SMG1: variants seen among roughly 807,000 people sequenced by gnomAD.
SMG1 encodes SMG1 nonsense mediated mRNA decay associated PI3K related kinase.
Under a neutral mutation model 419.9 loss-of-function variants are expected in SMG1, and 22 were observed. That is an observed-to-expected ratio of 0.05 (90% CI 0.04 to 0.07). SMG1 has a LOEUF of 0.07. SMG1 is among the 10% of genes least tolerant of loss of function. The pLI is 1.00. For synonymous variants in SMG1, 1,538 were observed against 1,553.5 expected, an observed-to-expected ratio of 0.99 and a Z score of 0.23; for missense variants, 3,185 against 4,342.0, an observed-to-expected ratio of 0.73 and a Z score of 7.49.
rs766720772 is a variant in SMG1 at position 18,836,129 on chromosome 16, C to G, written c.7861G>C (p.Gly2621Arg). 49 of 1,609,688 alleles carry G rather than the reference C, an allele frequency of 3.0e-5. No individual in the cohort carries two copies. The highest frequency in any genetic ancestry group is 6.7e-5 in the African/African-American group (5 of 74,858). The part of the protein sequence containing the change: ...HLISQCEQLE[G>R]EVGALLQQRR... Reference sequence around the variant, plus strand: ...TGCTGCAGGAGAGCACCAACCTCCCCCTCCAGCTGCTCGCACTGGCTAATC... The same window carrying G: ...TGCTGCAGGAGAGCACCAACCTCCCGCTCCAGCTGCTCGCACTGGCTAATC... Residue 2621 changes from glycine to arginine, a missense_variant, in exon 48 of 63, where the codon GGG (glycine) becomes CGG (arginine). By Grantham distance (125) the Gly-to-Arg change is moderately radical (BLOSUM62 -2). Transcript: ENST00000446231.
intron 56 of SMG1, among the ~76,000 whole-genome samples, chr16:18,818,656 A>G (rs1005695825): frequency 2.0e-5 from 3 of 152,142 alleles, no homozygotes; most frequent in Non-Finnish European, 4.4e-5. Context: ...TGGGTGAAAT[A>G]AGATAAGACT....
In SMG1 at chr16:18,868,533, G is replaced by A. The variant is rs1394185717; in HGVS notation, c.3020C>T (p.Ser1007Leu). 7 of 1,586,888 alleles carry A rather than the reference G, an allele frequency of 4.4e-6. No individual in the cohort carries two copies. In the East Asian group the frequency reaches 1.3e-4, roughly 30 times the overall value. Residue 1007 changes from serine to leucine, a missense_variant, in exon 21 of 63, where the codon TCA becomes TTA. Coordinates refer to ENST00000446231, the MANE Select transcript of SMG1 (RefSeq NM_015092.5). ...AYEGCANALT[S>L]PPKVIRTFFY... Reference sequence around the variant, plus strand: ...CTCATGGAAACCAACCTTGGGAGGTGAAGTTAATGCATTAGCACATCCCTC... The same window carrying A: ...CTCATGGAAACCAACCTTGGGAGGTAAAGTTAATGCATTAGCACATCCCTC...
At chr16:18,925,380 G>A (rs1054638179) in intron 1 of SMG1, 11 of 152,242 alleles carry the variant, frequency 7.2e-5, no homozygotes, top group Admixed American at 3.3e-4. Flanking sequence ...AGACCAGCGT[G>A]GGTCGATCCC....
intron 50 of SMG1, 68 bp from the exon 51 acceptor site, chr16:18,833,234 T>C: frequency 8.7e-6 from 11 of 1,264,228 alleles, no homozygotes; most frequent in African/African-American, 1.5e-5. Context: ...TTTGGAGACT[T>C]AGAGCCATAC....
chr16:18,816,010 C>A, intron 58 of SMG1: 1 of 462,060 alleles, frequency 2.2e-6, no homozygotes, highest in Admixed American at 4.0e-5. Context: ...GAAAGACAAG[C>A]TGGATATCTG....
intron 25 of SMG1, among the ~76,000 whole-genome samples, chr16:18,863,243 G>GA (rs1212810646): frequency 6.6e-6 from 1 of 152,204 alleles, no homozygotes; most frequent in Non-Finnish European, 1.5e-5. Flanking sequence ...GGAATGAAAA[G>GA]AAAGTTTAAT....
rs1444553750 is a variant in SMG1 at position 18,838,414 on chromosome 16, A to T, written c.7137T>A (p.Ile2379=). 5 of 1,613,738 alleles carry T rather than the reference A, an allele frequency of 3.1e-6. No homozygotes were observed. The African/African-American group carries it at 6.7e-5, about 22-fold the overall frequency. ...CTCCAGTTACACCCAGTGCTGTTTC[A>T]ATGTTTTGTGTCATTCGAAAAGGTA... The part of the protein sequence containing the change: ...EKVPFRMTQN[I]ETALGVTGVE... The change falls in exon 44 of 63, where the codon ATT becomes ATA. Residue 2379 remains isoleucine, a synonymous_variant. Coordinates refer to ENST00000446231, the MANE Select transcript of SMG1 (RefSeq NM_015092.5).
At position 18,842,058 on chromosome 16, in the gene SMG1, C is replaced by T. The variant is rs191044632; in HGVS notation, c.6466+150G>A. 8 of 925,220 alleles carry T rather than the reference C, an allele frequency of 8.6e-6. No individual in the cohort carries two copies. The East Asian group carries it at 2.1e-4, about 24-fold the overall frequency. 57.3% of individuals were successfully genotyped at this position (925,220 alleles called of 1,614,324 possible). A position where few individuals can be genotyped will look rare whatever the true frequency, so the allele number is the denominator to read the frequency against. On this transcript the variant is annotated intron_variant, in intron 40 of 62. Coordinates refer to ENST00000446231, the MANE Select transcript of SMG1 (RefSeq NM_015092.5). ...TGCACGGCATCCAATCACTGCCGTT[C>T]AAAAGCACATAAGATATAGGGCACT... is the stretch of plus-strand genomic sequence containing the variant.
chr16:18,852,647 T>C (rs1225368076), intron 31 of SMG1, among the ~76,000 whole-genome samples, 185 bp from the exon 32 acceptor site: 1 of 152,228 alleles, frequency 6.6e-6, no homozygotes, highest in Non-Finnish European at 1.5e-5. Context: ...AAGGTTGGTA[T>C]GTTGAAATGA....
intron 33 of SMG1, 83 bp downstream of exon 33, chr16:18,851,984 T>C: frequency 7.1e-7 from 1 of 1,413,234 alleles, no homozygotes; most frequent in Non-Finnish European, 9.5e-7. Context: ...CCATTCAGTA[T>C]TTTATCAAAT....
At chr16:18,881,022 G>T (rs1455321682) in intron 10 of SMG1, among the ~76,000 whole-genome samples, 4 of 151,114 alleles carry the variant, frequency 2.6e-5, no homozygotes, top group African/African-American at 9.8e-5. Flanking sequence ...GCTGAGTGAG[G>T]TGGGAGGTTC....
chr16:18,864,471 T>C (rs2035390678), intron 23 of SMG1, among the ~76,000 whole-genome samples: 1 of 152,038 alleles, frequency 6.6e-6, no homozygotes, highest in African/African-American at 2.4e-5. Context: ...ATGCTGGGAT[T>C]ATGGGCATGA....
At chr16:18,840,062 A>C in intron 41 of SMG1, 116 bp from the exon 42 acceptor site, 62 of 763,362 alleles carry the variant, frequency 8.1e-5, no homozygotes, top group Middle Eastern at 3.7e-4. Flanking sequence ...GCATTCTCTC[A>C]TTACTCAACT....
At chr16:18,913,546 A>C (rs2141979105) in intron 1 of SMG1, among the ~76,000 whole-genome samples, 1 of 152,184 alleles carries the variant, frequency 6.6e-6, no homozygotes, top group African/African-American at 2.4e-5. Flanking sequence ...AAAAGCTAAT[A>C]TATGTCACTA....
Position 18,850,029 on chromosome 16 carries a change from C to T in SMG1, c.5381G>A (p.Arg1794Gln). ...CTCACCAGCATGCTTCACGAGCAAC[C>T]GCAGCAGGCGCAATGTGGCCATCAC... The part of the protein sequence containing the change: ...MIVMATLRLL[R>Q]LLVKHAGELR... The change falls in exon 35 of 63, where the codon CGG (arginine) becomes CAG (glutamine). Residue 1794 changes from arginine to glutamine, a missense_variant. Transcript: ENST00000446231. 1 of 1,613,952 alleles carries T rather than the reference C, an allele frequency of 6.2e-7. No homozygotes were observed. The highest frequency in any genetic ancestry group is 8.5e-7 in the Non-Finnish European group (1 of 1,179,884).
chr16:18,888,213 C>A, intron 6 of SMG1, among the ~76,000 whole-genome samples: 1 of 139,854 alleles, frequency 7.2e-6, no homozygotes. Context: ...TATTCAGATA[C>A]ACAAATGTGA....
intron 54 of SMG1, 58 bp downstream of exon 54, chr16:18,829,226 TCC>T: frequency 7.3e-7 from 1 of 1,370,508 alleles, no homozygotes; most frequent in Non-Finnish European, 9.9e-7. Flanking sequence ...TAAATTAATT[TCC>T]CCCATTTTTC....
intron 1 of SMG1, chr16:18,924,923 C>T (rs544960729): frequency 2.0e-5 from 3 of 152,168 alleles, no homozygotes; most frequent in Non-Finnish European, 2.9e-5. Flanking sequence ...AAAGGGCTTC[C>T]CAACAACTTG....
intron 10 of SMG1, among the ~76,000 whole-genome samples, chr16:18,881,839 T>G (rs1251813559): frequency 6.6e-6 from 1 of 152,128 alleles, no homozygotes; most frequent in Non-Finnish European, 1.5e-5. Flanking sequence ...CGTAGTATGC[T>G]GAAAAACTAA....
Sources: gnomAD v4.1 joint callset for allele counts (sites outside exome capture counted in the v4.1 genomes callset) on GRCh38, gnomAD v4.1.1 for gene constraint, MANE v1.5 for transcripts, NCBI Gene and HGNC (gene_info 2026-07-23, HGNC 2026-07-21) for gene names.